The following PFKFB3 variants were observed in gnomAD, a reference collection of about 807,000 sequenced individuals.
PFKFB3 encodes the protein 6-phosphofructo-2-kinase/fructose-2,6-bisphosphatase 3.
Under a neutral mutation model 68.0 loss-of-function variants are expected in PFKFB3, and 33 were observed. That is an observed-to-expected ratio of 0.49 (90% CI 0.37 to 0.65). PFKFB3 has a LOEUF of 0.65. Ranked by LOEUF, PFKFB3 falls within the 30% of genes least tolerant of loss-of-function variation. The pLI is 0.00. For missense variants in PFKFB3, 586 were observed against 712.2 expected, an observed-to-expected ratio of 0.82 and a Z score of 2.02; for synonymous variants, 315 against 288.2, an observed-to-expected ratio of 1.09 and a Z score of -0.94.
At chr10:6,158,321 A>ATAAAG (rs201361181) in intron 1 of PFKFB3, among the ~76,000 whole-genome samples, 1,639 of 150,756 alleles carry the variant, frequency 0.011, 66 homozygotes, top group East Asian at 0.1. Context: ...ATAAAATAAA[A>ATAAAG]TAAAAGTCAG....
At chr10:6,238,576 A>G (rs921400618), downstream of PFKFB3, among the ~76,000 whole-genome samples, 2 of 148,430 alleles carry the variant, frequency 1.3e-5, no homozygotes, top group African/African-American at 5.0e-5. Flanking sequence ...CTTTTATTTT[A>G]AGTTCAGAGG....
the PFKFB3 span, among the ~76,000 whole-genome samples, chr10:6,326,066 T>C: frequency 1.3e-5 from 2 of 152,320 alleles, no homozygotes; most frequent in African/African-American, 4.8e-5. Context: ...TATCATACAT[T>C]GTCATCTCAA....
intron 1 of PFKFB3, among the ~76,000 whole-genome samples, chr10:6,183,694 AT>A (rs199676467): frequency 3.0e-4 from 43 of 143,614 alleles, no homozygotes; most frequent in South Asian, 1.1e-3. Flanking sequence ...TTTTTTTTTA[AT>A]TTTTTTTTTT....
chr10:6,293,026 C>A, the PFKFB3 span: 1 of 321,716 alleles, frequency 3.1e-6, no homozygotes, highest in Non-Finnish European at 6.2e-6. Context: ...GAAAGCCTCA[C>A]GTGCAGAATA....
chr10:6,301,640 T>C, the PFKFB3 span, among the ~76,000 whole-genome samples: 2 of 152,212 alleles, frequency 1.3e-5, no homozygotes, highest in African/African-American at 4.8e-5. Flanking sequence ...ATGTAACTGA[T>C]GACAACTTGA....
intron 14 of PFKFB3, among the ~76,000 whole-genome samples, chr10:6,250,171 G>A (rs1846348510): frequency 6.6e-6 from 1 of 152,128 alleles, no homozygotes; most frequent in Non-Finnish European, 1.5e-5. Context: ...GGAGGTAAAA[G>A]GCTATGGTAT....
At chr10:6,160,931 T>A (rs541550907) in intron 1 of PFKFB3, among the ~76,000 whole-genome samples, 2 of 152,152 alleles carry the variant, frequency 1.3e-5, no homozygotes, top group South Asian at 2.1e-4. Context: ...TAAATTTTTT[T>A]AATTTATTTT....
chr10:6,187,888 C>A (rs558041322), intron 1 of PFKFB3, among the ~76,000 whole-genome samples: 4 of 152,130 alleles, frequency 2.6e-5, no homozygotes, highest in Non-Finnish European at 5.9e-5. Flanking sequence ...TTCCATAGCA[C>A]TCTCACCTAG....
upstream of PFKFB3, among the ~76,000 whole-genome samples, chr10:6,201,270 C>T (rs539383211): frequency 6.6e-6 from 1 of 151,888 alleles, no homozygotes; most frequent in South Asian, 2.1e-4. This position sits in a 1 kb window ranked among gnomAD's most constrained non-coding sequence, Gnocchi z 4.1. Flanking sequence ...CTCCCCTGGG[C>T]GTTTAGGGTG....
At chr10:6,182,970 A>G (rs1222621758) in intron 1 of PFKFB3, among the ~76,000 whole-genome samples, 1 of 152,162 alleles carries the variant, frequency 6.6e-6, no homozygotes, top group Non-Finnish European at 1.5e-5. Flanking sequence ...GGTTGAGAAC[A>G]TGGATGGGGC....
chr10:6,157,198 A>G lies in PFKFB3; in HGVS notation c.16+12185A>G, dbSNP rs139723599. ...ATCAACTTGCTGCCTCATAGTAACA[A>G]CAAAGGTGTCTGAATCTGTAAATAG... On this transcript the variant is annotated intron_variant, in intron 1 of 14. Transcript: ENST00000379789. 9.6e-3 allele frequency among the ~76,000 whole-genome samples: 1,456 copies of G among 152,108 alleles called. 56 individuals carry two copies. The highest frequency in any genetic ancestry group is 0.066 in the East Asian group (341 of 5,156).
At chr10:6,299,967 A>ATTT in the PFKFB3 span, among the ~76,000 whole-genome samples, 2 of 49,650 alleles carry the variant, frequency 4.0e-5, no homozygotes, top group African/African-American at 1.2e-4. Flanking sequence ...TGTTCAGAAG[A>ATTT]CTTTTTTTTT....
chr10:6,215,295 G>A lies in PFKFB3; in HGVS notation c.277G>A (p.Glu93Lys), dbSNP rs1340800282. 12 of 1,613,890 alleles carry A rather than the reference G, an allele frequency of 7.4e-6. No individual in the cohort carries two copies. The South Asian group carries it at 1.3e-4, about 18-fold the overall frequency. ...CTACAACTTCTTCCGCCCCGACAAT[G>A]AGGAAGCCATGAAAGTCCGGAAGTA... ...SSYNFFRPDN[E>K]EAMKVRKQCA... The change falls in exon 3 of 15, where the codon GAG becomes AAG. Residue 93 changes from glutamate to lysine, a missense_variant. Physicochemically the swap from Glu to Lys is moderately conservative, Grantham distance 56. Transcript: ENST00000379775. This position sits in a 1 kb window ranked among gnomAD's most constrained non-coding sequence, Gnocchi z 4.3.
chr10:6,243,680 T>C (rs899073317), intron 14 of PFKFB3, among the ~76,000 whole-genome samples: 2 of 152,238 alleles, frequency 1.3e-5, no homozygotes. Context: ...TCTGTCATTT[T>C]ATAACTGCCA....
At position 6,234,096 on chromosome 10, in the gene PFKFB3, G is replaced by A. The variant is rs1845897843; in HGVS notation, c.*1154G>A. 1 of 152,436 alleles carries A rather than the reference G, an allele frequency of 6.6e-6. No individual in the cohort carries two copies. The allele number at this position is 152,436 out of a possible 1,614,324, so 9.4% of individuals were successfully genotyped here. A position where few individuals can be genotyped will look rare whatever the true frequency, so the allele number is the denominator to read the frequency against. On this transcript the variant is annotated 3_prime_UTR_variant, in exon 15 of 15. Transcript: ENST00000379775. ...TATGACACTTTTGTGGTGATGGAAA[G>A]CATGGGACCTGTCGTCTCAGCCTGT...
At chr10:6,318,934 G>T in the PFKFB3 span, among the ~76,000 whole-genome samples, 1 of 152,092 alleles carries the variant, frequency 6.6e-6, no homozygotes, top group Non-Finnish European at 1.5e-5. Flanking sequence ...CTGGGGTCTG[G>T]TCCGAAGCCT....
chr10:6,192,106 G>C (rs1843039394), intron 1 of PFKFB3, among the ~76,000 whole-genome samples: 1 of 146,304 alleles, frequency 6.8e-6, no homozygotes, highest in Non-Finnish European at 1.5e-5. Flanking sequence ...TTCACTCCTT[G>C]ATTTACCCAG....
the PFKFB3 span, among the ~76,000 whole-genome samples, chr10:6,261,584 C>T: frequency 3.3e-5 from 5 of 152,110 alleles, no homozygotes; most frequent in Non-Finnish European, 7.4e-5. Flanking sequence ...TTGGGCTGGG[C>T]GTGGTGGCTC....
chr10:6,268,059 A>G, the PFKFB3 span, among the ~76,000 whole-genome samples: 5 of 151,314 alleles, frequency 3.3e-5, no homozygotes, highest in African/African-American at 1.2e-4. Flanking sequence ...TGTGCGACGG[A>G]GCAGTTCTCA....
Sources: allele counts gnomAD v4.1 joint callset (sites outside exome capture counted in the v4.1 genomes callset), GRCh38; gene constraint gnomAD v4.1.1; non-coding constraint Gnocchi (gnomAD v3.1); transcripts MANE v1.5; gene names NCBI Gene and HGNC (gene_info 2026-07-23, HGNC 2026-07-21).